KIAA1958: variants seen among roughly 807,000 people sequenced by gnomAD.
KIAA1958 encodes KIAA1958, also known as uncharacterized protein KIAA1958.
A neutral mutation model predicts 47.2 loss-of-function variants in KIAA1958; 14 were observed. The observed-to-expected ratio is 0.30, with a 90% CI of 0.20 to 0.46. The LOEUF is 0.46. Ranked by LOEUF, KIAA1958 falls within the 20% of genes least tolerant of loss-of-function variation. KIAA1958 has a pLI of 1.00. For synonymous variants in KIAA1958, 354 were observed against 353.3 expected (o/e 1.00, Z -0.02); for missense variants, 803 against 909.2 (o/e 0.88, Z 1.50).
chr9:112,558,058 C>T (rs1016435482), intron 1 of KIAA1958, among the ~76,000 whole-genome samples: 1 of 152,014 alleles, frequency 6.6e-6, no homozygotes, highest in African/African-American at 2.4e-5. Flanking sequence ...AACCCCGTCT[C>T]TACTAAAATA....
At chr9:112,552,819 A>T (rs575538497) in intron 1 of KIAA1958, among the ~76,000 whole-genome samples, 2 of 152,170 alleles carry the variant, frequency 1.3e-5, no homozygotes, top group Non-Finnish European at 2.9e-5. Context: ...CCAAGTTGGC[A>T]TGCAGCTGTG....
intron 2 of KIAA1958, among the ~76,000 whole-genome samples, chr9:112,645,199 T>C (rs773952197): frequency 1.3e-5 from 2 of 152,130 alleles, no homozygotes; most frequent in Non-Finnish European, 2.9e-5. Context: ...ACACAAGACA[T>C]TTGAAAATGT....
At chr9:112,614,223 T>C (rs900577492) in intron 2 of KIAA1958, among the ~76,000 whole-genome samples, 1 of 152,090 alleles carries the variant, frequency 6.6e-6, no homozygotes, top group Admixed American at 6.6e-5. Context: ...AAAACTATGA[T>C]GTTTCAAGTC....
intron 1 of KIAA1958, among the ~76,000 whole-genome samples, chr9:112,487,550 A>G (rs913673880): frequency 6.6e-6 from 1 of 152,100 alleles, no homozygotes; most frequent in Non-Finnish European, 1.5e-5. Flanking sequence ...AAGTCTTGAG[A>G]TGCTTATGGA....
rs1055557699 is a variant in KIAA1958 at position 112,663,538 on chromosome 9, A to G, written c.*3469A>G. ...AACATGATAATCTGGTCAAGTTAAC[A>G]CATTTTCGCCCATGAATTCTACCTC... is the stretch of plus-strand genomic sequence containing the variant. On this transcript the variant is annotated 3_prime_UTR_variant, in exon 4 of 4. Coordinates refer to ENST00000337530, the MANE Select transcript of KIAA1958 (RefSeq NM_133465.4). The G allele has an allele frequency of 2.0e-5, 3 of 152,224 alleles. No homozygotes were observed. The highest frequency in any genetic ancestry group is 4.4e-5 in the Non-Finnish European group (3 of 68,034). The allele number at this position is 152,224 out of a possible 1,614,324, so 9.4% of individuals were successfully genotyped here.
chr9:112,609,951 C>T (rs532828012), intron 2 of KIAA1958, among the ~76,000 whole-genome samples: 1 of 152,238 alleles, frequency 6.6e-6, no homozygotes, highest in South Asian at 2.1e-4. Flanking sequence ...AGTGCATTAC[C>T]TTCTGCTGTG....
In KIAA1958 at chr9:112,656,464, A is replaced by C. The variant is rs368334101; in HGVS notation, c.1345-2799A>C. ...TTTTGAGAGGTACCATATGAACTGGAATCTGTGTGTCTCAGAGCCATGCCC... is the reference window on the plus strand; with the variant it reads ...TTTTGAGAGGTACCATATGAACTGGCATCTGTGTGTCTCAGAGCCATGCCC... On this transcript the variant is annotated intron_variant, in intron 3 of 3. Coordinates refer to ENST00000337530, the MANE Select transcript of KIAA1958 (RefSeq NM_133465.4). 3.3e-5 allele frequency among the ~76,000 whole-genome samples: 5 copies of C among 151,898 alleles called. No individual in the cohort carries two copies. In the South Asian group the frequency reaches 1.0e-3, roughly 32 times the overall value.
At chr9:112,639,376 C>T (rs944123245) in intron 2 of KIAA1958, among the ~76,000 whole-genome samples, 21 of 152,196 alleles carry the variant, frequency 1.4e-4, no homozygotes, top group Admixed American at 1.4e-3. Flanking sequence ...GGGCCATCCT[C>T]CCAACCAGAG....
intron 2 of KIAA1958, among the ~76,000 whole-genome samples, chr9:112,576,631 CA>C (rs1223819335): frequency 1.4e-4 from 22 of 152,310 alleles, no homozygotes; most frequent in African/African-American, 5.3e-4. Context: ...CACCCTCTTA[CA>C]CTTAGCATTA....
intron 2 of KIAA1958, among the ~76,000 whole-genome samples, chr9:112,603,355 C>T (rs1836168158): frequency 6.6e-6 from 1 of 152,004 alleles, no homozygotes; most frequent in Non-Finnish European, 1.5e-5. Flanking sequence ...AGCTTTATTC[C>T]CCTACCCCAA....
intron 2 of KIAA1958, among the ~76,000 whole-genome samples, chr9:112,604,539 A>T (rs989944783): frequency 3.9e-5 from 6 of 152,224 alleles, no homozygotes; most frequent in Admixed American, 1.3e-4. Flanking sequence ...TACCTTCTTT[A>T]AGAGAATCTA....
At chr9:112,562,065 A>G (rs1016484480) in intron 1 of KIAA1958, among the ~76,000 whole-genome samples, 6 of 152,122 alleles carry the variant, frequency 3.9e-5, no homozygotes, top group Non-Finnish European at 7.4e-5. Flanking sequence ...TGAGAACCTC[A>G]TTTGTGCCTG....
chr9:112,535,669 A>G (rs1357971778), intron 1 of KIAA1958, among the ~76,000 whole-genome samples: 1 of 152,132 alleles, frequency 6.6e-6, no homozygotes, highest in African/African-American at 2.4e-5. Context: ...CATAATGGCT[A>G]TACCAATTTG....
intron 1 of KIAA1958, among the ~76,000 whole-genome samples, chr9:112,571,502 C>G (rs1252270554): frequency 6.6e-6 from 1 of 152,158 alleles, no homozygotes; most frequent in African/African-American, 2.4e-5. Context: ...GTCATAGGGC[C>G]ACCCTTGCTC....
chr9:112,505,364 G>T (rs1834215684), intron 1 of KIAA1958, among the ~76,000 whole-genome samples: 1 of 152,154 alleles, frequency 6.6e-6, no homozygotes, highest in South Asian at 2.1e-4. Flanking sequence ...TATAAAATGA[G>T]TATAATACTA....
rs1032182861 is a variant in KIAA1958, at chr9:112,538,761, A to T, written c.-24-35296A>T. The stretch of plus-strand genomic sequence containing the variant: ...TTGAATCTAGAGGAACTGAATAATC[A>T]GTAATGATAACAGTACTATATTAAT... On this transcript the variant is annotated intron_variant, in intron 1 of 3. Coordinates refer to ENST00000337530, the MANE Select transcript of KIAA1958 (RefSeq NM_133465.4). Among the ~76,000 whole-genome samples the T allele has an allele frequency of 3.3e-5, 5 of 152,356 alleles. No individual in the cohort carries two copies. In the East Asian group the frequency reaches 9.6e-4, roughly 29 times the overall value.
intron 2 of KIAA1958, among the ~76,000 whole-genome samples, chr9:112,604,890 T>A (rs561003131): frequency 6.7e-6 from 1 of 148,150 alleles, no homozygotes; most frequent in Admixed American, 6.8e-5. Context: ...GGACACTATA[T>A]ATATATAATA....
At chr9:112,647,100 C>T (rs1007180303) in intron 3 of KIAA1958, among the ~76,000 whole-genome samples, 1 of 151,920 alleles carries the variant, frequency 6.6e-6, no homozygotes, top group African/African-American at 2.4e-5. Context: ...CTACTTCTGG[C>T]ACCATGGTAC....
intron 3 of KIAA1958, among the ~76,000 whole-genome samples, chr9:112,650,068 A>T (rs1837033128): frequency 6.6e-6 from 1 of 151,980 alleles, no homozygotes; most frequent in South Asian, 2.1e-4. Context: ...AAGAAAAAAA[A>T]CTCTCATTAG....
Sources: gnomAD v4.1 joint callset for allele counts (sites outside exome capture counted in the v4.1 genomes callset) on GRCh38, gnomAD v4.1.1 for gene constraint, MANE v1.5 for transcripts, NCBI Gene and HGNC (gene_info 2026-07-23, HGNC 2026-07-21) for gene names.